NEIL3: variants seen among roughly 807,000 people sequenced by gnomAD.
The protein encoded by NEIL3 is nei like DNA glycosylase 3, also known as endonuclease 8-like 3.
NEIL3 carries 48 observed loss-of-function variants against 57.5 expected under a neutral mutation model. The observed-to-expected ratio is 0.83, with a 90% CI of 0.66 to 1.06. NEIL3 has a LOEUF of 1.06. Ranked by LOEUF, NEIL3 falls within the 50% of genes least tolerant of loss-of-function variation. NEIL3 has a pLI of 0.00. For synonymous variants in NEIL3, 261 were observed against 253.2 expected (o/e 1.03, Z -0.29); for missense variants, 717 against 739.1 (o/e 0.97, Z 0.35).
chr4:177,310,228 C>T (rs1734451415), intron 1 of NEIL3, 119 bp downstream of exon 1: 4 of 1,120,390 alleles, frequency 3.6e-6, no homozygotes, highest in Non-Finnish European at 4.8e-6. Flanking sequence ...TCCTGGGGTC[C>T]CACCTTTCAC....
chr4:177,343,854 T>C (rs1735154544), intron 6 of NEIL3: 1 of 152,022 alleles, frequency 6.6e-6, no homozygotes, highest in Non-Finnish European at 1.5e-5. Flanking sequence ...AACTTTTTTA[T>C]AATATAGGTA....
At chr4:177,343,087 T>C (rs1390969643) in intron 6 of NEIL3, 1 of 152,166 alleles carries the variant, frequency 6.6e-6, no homozygotes, top group Admixed American at 6.5e-5. Context: ...GTAAAACTTT[T>C]TAAAAGTCAA....
intron 1 of NEIL3, among the ~76,000 whole-genome samples, chr4:177,322,040 A>G (rs1011634612): frequency 2.0e-5 from 3 of 152,140 alleles, no homozygotes; most frequent in Admixed American, 6.5e-5. Flanking sequence ...ATATTTTATC[A>G]TCTGTCATTT....
At chr4:177,362,107 A>G (rs943661648) in intron 9 of NEIL3, among the ~76,000 whole-genome samples, 182 bp from the exon 10 acceptor site, 1 of 152,212 alleles carries the variant, frequency 6.6e-6, no homozygotes, top group African/African-American at 2.4e-5. Context: ...TGTAAGAGAG[A>G]TGCTTCTTTT....
intron 8 of NEIL3, among the ~76,000 whole-genome samples, chr4:177,358,618 TTTTAA>T (rs1735539141): frequency 6.6e-6 from 1 of 152,136 alleles, no homozygotes; most frequent in African/African-American, 2.4e-5. Flanking sequence ...GTGGCTATGT[TTTTAA>T]TTTAATTTTT....
the NEIL3 span, among the ~76,000 whole-genome samples, chr4:177,369,303 C>A: frequency 6.6e-6 from 1 of 152,080 alleles, no homozygotes; most frequent in Non-Finnish European, 1.5e-5. Context: ...ATAGCATATA[C>A]AAAGATCTCT....
rs568662087 is a variant in NEIL3, at chr4:177,310,863, T to C, written c.156+754T>C. Among the ~76,000 whole-genome samples the C allele has an allele frequency of 2.0e-5, 3 of 152,372 alleles. No homozygotes were observed. In the South Asian group the frequency reaches 6.2e-4, roughly 32 times the overall value. ...CAATATTGCACTGTATTTCAATTTC[T>C]TCTGCAAAGCTTCTTATAGCCTTTG... On this transcript the variant is annotated intron_variant, in intron 1 of 9. Transcript: ENST00000264596.
chr4:177,334,131 A>G (rs1734932255), intron 2 of NEIL3, among the ~76,000 whole-genome samples: 1 of 148,784 alleles, frequency 6.7e-6, no homozygotes, highest in African/African-American at 2.5e-5. Flanking sequence ...ATATGGGCCT[A>G]TGTCCTGGTT....
chr4:177,339,848 C>CTTT lies in NEIL3; in HGVS notation c.695_697dup (p.Phe232dup), dbSNP rs542632708. 5.5e-5 allele frequency: 89 copies of CTTT among 1,612,454 alleles called. No homozygotes were observed. The African/African-American group carries it at 1.0e-3, about 19-fold the overall frequency. Reference sequence around the variant, plus strand: ...AAATGATACGTGATTTCAGCATTCTCTTTTACAGGGTAAGAGCAAAATTTT... The same window carrying CTTT: ...AAATGATACGTGATTTCAGCATTCTCTTTTTTTACAGGGTAAGAGCAAAATTTT... On this transcript the variant is annotated inframe_insertion, in exon 5 of 10. Coordinates refer to ENST00000264596, the MANE Select transcript of NEIL3 (RefSeq NM_018248.3).
At chr4:177,330,355 G>C (rs1734858656) in intron 2 of NEIL3, among the ~76,000 whole-genome samples, 1 of 152,082 alleles carries the variant, frequency 6.6e-6, no homozygotes, top group African/African-American at 2.4e-5. Flanking sequence ...AGCAATGCTT[G>C]AGGAAATGTT....
intron 4 of NEIL3, 139 bp downstream of exon 4, chr4:177,336,460 C>G: frequency 2.9e-6 from 2 of 686,358 alleles, no homozygotes; most frequent in Non-Finnish European, 4.8e-6. Flanking sequence ...CTACCCAGGT[C>G]AATTTCTCAG....
intron 6 of NEIL3, among the ~76,000 whole-genome samples, chr4:177,349,076 G>A (rs1227862948): frequency 7.0e-5 from 10 of 142,768 alleles, no homozygotes; most frequent in Admixed American, 1.4e-4. Context: ...TAGAGACGGG[G>A]TTTCACCGTG....
chr4:177,332,852 C>T (rs959275247), intron 2 of NEIL3, among the ~76,000 whole-genome samples: 3 of 152,084 alleles, frequency 2.0e-5, no homozygotes, highest in Admixed American at 1.3e-4. Flanking sequence ...CTTTCCATGG[C>T]GGGGCTTGTC....
chr4:177,324,436 G>C (rs1020925629), intron 2 of NEIL3, among the ~76,000 whole-genome samples: 6 of 152,146 alleles, frequency 3.9e-5, no homozygotes, highest in African/African-American at 1.4e-4. Context: ...ATTTGTTAAT[G>C]AAAGTAGAAT....
chr4:177,328,780 T>C (rs1451574814), intron 2 of NEIL3, among the ~76,000 whole-genome samples: 4 of 152,200 alleles, frequency 2.6e-5, no homozygotes, highest in African/African-American at 9.6e-5. Context: ...AAAAGATGTT[T>C]TTCTGTTATG....
intron 6 of NEIL3, among the ~76,000 whole-genome samples, chr4:177,346,024 A>G (rs901232211): frequency 1.3e-5 from 2 of 152,114 alleles, no homozygotes; most frequent in Admixed American, 1.3e-4. Flanking sequence ...TCCCACTGGA[A>G]TATAGTTATC....
the NEIL3 span, among the ~76,000 whole-genome samples, chr4:177,371,109 T>G: frequency 1.3e-5 from 2 of 152,212 alleles, no homozygotes; most frequent in African/African-American, 4.8e-5. Flanking sequence ...ACTAGCATTT[T>G]GTACTAAATG....
At chr4:177,313,164 G>A (rs1734507892) in intron 1 of NEIL3, among the ~76,000 whole-genome samples, 2 of 152,168 alleles carry the variant, frequency 1.3e-5, no homozygotes, top group Admixed American at 1.3e-4. Flanking sequence ...ACTAATGAGA[G>A]CTAAAGAAAT....
intron 1 of NEIL3, among the ~76,000 whole-genome samples, chr4:177,320,462 CTGTCT>C (rs1456200240): frequency 0.031 from 3,418 of 110,410 alleles, 196 homozygotes; most frequent in South Asian, 0.046. Context: ...GAAGTGACTG[CTGTCT>C]TTTTTTTTTT....
Sources: allele counts gnomAD v4.1 joint callset (sites outside exome capture counted in the v4.1 genomes callset), GRCh38; gene constraint gnomAD v4.1.1; transcripts MANE v1.5; gene names NCBI Gene and HGNC (gene_info 2026-07-23, HGNC 2026-07-21).